STK3: variants seen among roughly 807,000 people sequenced by gnomAD.
The protein encoded by STK3 is serine/threonine kinase 3.
Under a neutral mutation model 58.0 loss-of-function variants are expected in STK3, and 41 were observed. That is an observed-to-expected ratio of 0.71 (90% CI 0.55 to 0.92). The LOEUF (loss-of-function observed/expected upper bound fraction) is 0.92. Ranked by LOEUF, STK3 falls within the 40% of genes least tolerant of loss-of-function variation. STK3 has a pLI of 0.00. For synonymous variants in STK3, 170 were observed against 191.0 expected, an observed-to-expected ratio of 0.89 and a Z score of 0.91; for missense variants, 479 against 602.7, an observed-to-expected ratio of 0.79 and a Z score of 2.15.
intron 1 of STK3, among the ~76,000 whole-genome samples, chr8:98,777,901 T>C (rs965759570): frequency 6.6e-6 from 1 of 152,210 alleles, no homozygotes; most frequent in Non-Finnish European, 1.5e-5. Flanking sequence ...AAGATTTACA[T>C]GTTAGACCTA....
chr8:98,702,433 T>G (rs1245722265), intron 6 of STK3, among the ~76,000 whole-genome samples: 1 of 152,186 alleles, frequency 6.6e-6, no homozygotes, highest in African/African-American at 2.4e-5. Context: ...ACACCCTAAA[T>G]ATATGTCCTA....
At chr8:98,472,708 C>T (rs777376010) in intron 10 of STK3, among the ~76,000 whole-genome samples, 1 of 152,090 alleles carries the variant, frequency 6.6e-6, no homozygotes, top group Non-Finnish European at 1.5e-5. Context: ...CTATCATAGG[C>T]TTTATCATCT....
intron 10 of STK3, among the ~76,000 whole-genome samples, chr8:98,467,548 ATGTGTG>A (rs61136775): frequency 5.9e-4 from 87 of 148,180 alleles, no homozygotes; most frequent in African/African-American, 9.4e-4. Flanking sequence ...TATTTAAAAA[ATGTGTG>A]TGTGTGTGTG....
At chr8:98,413,171 G>A (rs952760273) in intron 3 of STK3, 6 of 291,086 alleles carry the variant, frequency 2.1e-5, no homozygotes, top group Admixed American at 4.7e-5. Context: ...GTGCCACCAC[G>A]CCCGGTTATT....
In STK3 at chr8:98,410,763, C is replaced by A. The variant is rs116686993; in HGVS notation, n.484-9250G>T. On this transcript the variant is annotated intron_variant and non_coding_transcript_variant, in intron 3 of 3. Coordinates refer to the STK3 transcript ENST00000517832. ...AGAAAGTATTCCCTCCACAAACACA[C>A]AGACATTTGCGTGTCTACAAAAACA... Among the ~76,000 whole-genome samples, 622 of 152,316 alleles carry A rather than the reference C, an allele frequency of 4.1e-3. 3 individuals are homozygous for A. Among genetic ancestry groups the A allele is most frequent in the African/African-American group, 0.014 (592 of 41,564 alleles).
intron 6 of STK3, among the ~76,000 whole-genome samples, chr8:98,678,922 T>C (rs2130883832): frequency 6.6e-6 from 1 of 152,362 alleles, no homozygotes; most frequent in Admixed American, 6.5e-5. Flanking sequence ...ATTCCATTTC[T>C]GCCTTCCTGC....
At chr8:98,346,812 C>T in the STK3 span, among the ~76,000 whole-genome samples, 6 of 150,764 alleles carry the variant, frequency 4.0e-5, no homozygotes, top group Non-Finnish European at 7.4e-5. Context: ...TAGGAAGTTT[C>T]AGGCAGAAAA....
At chr8:98,808,365 T>G (rs1834012412) in intron 1 of STK3, among the ~76,000 whole-genome samples, 1 of 152,024 alleles carries the variant, frequency 6.6e-6, no homozygotes, top group Non-Finnish European at 1.5e-5. Context: ...GCAGAAAAAA[T>G]GAAGGGACTA....
chr8:98,580,422 C>G (rs1158737301), intron 7 of STK3, among the ~76,000 whole-genome samples: 1 of 152,052 alleles, frequency 6.6e-6, no homozygotes, highest in Non-Finnish European at 1.5e-5. Flanking sequence ...AGAAGGAAAA[C>G]TATCAGAATA....
At position 98,745,536 on chromosome 8, in the gene STK3, G is replaced by A. The variant is rs191084977; in HGVS notation, c.351+3740C>T. Among the ~76,000 whole-genome samples, 1,345 of 152,048 alleles carry A rather than the reference G, an allele frequency of 8.8e-3. 10 individuals carry two copies. The highest frequency in any genetic ancestry group is 0.03 in the African/African-American group (1,234 of 41,466). On this transcript the variant is annotated intron_variant, in intron 4 of 10. Transcript: ENST00000419617. ...TATGTTAAGGCTAATGAAGACACACGAGCAGTGTATTTTGTCTGAAAACAA... is the reference window on the plus strand; with the variant it reads ...TATGTTAAGGCTAATGAAGACACACAAGCAGTGTATTTTGTCTGAAAACAA...
At chr8:98,432,071 C>T (rs921768514) in intron 3 of STK3, 1 of 167,042 alleles carries the variant, frequency 6.0e-6, no homozygotes, top group African/African-American at 2.4e-5. Flanking sequence ...TAAAGTCTCA[C>T]TAAGGTTTGA....
At chr8:98,812,253 T>C (rs1028940730) in intron 1 of STK3, among the ~76,000 whole-genome samples, 2 of 152,270 alleles carry the variant, frequency 1.3e-5, no homozygotes, top group South Asian at 2.1e-4. Context: ...CGTCTTTTTA[T>C]ACTCTTAGAA....
intron 1 of STK3, among the ~76,000 whole-genome samples, chr8:98,777,286 G>A (rs1316078332): frequency 6.6e-6 from 1 of 152,142 alleles, no homozygotes; most frequent in Non-Finnish European, 1.5e-5. Context: ...CAGCACTTTG[G>A]GAGGCCGAGG....
At chr8:98,941,687 C>A (rs1475410984) in intron 1 of STK3, among the ~76,000 whole-genome samples, 1 of 152,168 alleles carries the variant, frequency 6.6e-6, no homozygotes, top group Non-Finnish European at 1.5e-5. Flanking sequence ...GGGGCCTGCG[C>A]TGCGCGCCCC....
chr8:98,587,890 A>T (rs556137678), intron 7 of STK3, among the ~76,000 whole-genome samples: 2 of 151,806 alleles, frequency 1.3e-5, no homozygotes, highest in Non-Finnish European at 2.9e-5. Context: ...GTTGGTTTAA[A>T]GTCTGTTTTA....
chr8:98,722,652 A>T (rs1448087490), intron 4 of STK3: 2 of 157,844 alleles, frequency 1.3e-5, no homozygotes, highest in Admixed American at 6.5e-5. Context: ...TTCACATATA[A>T]GCACAGCCAA....
intron 4 of STK3, among the ~76,000 whole-genome samples, chr8:98,710,440 C>A (rs1826312855): frequency 6.6e-6 from 1 of 152,200 alleles, no homozygotes; most frequent in Admixed American, 6.5e-5. Flanking sequence ...GTCACTCCCA[C>A]CCTAATACTG....
intron 4 of STK3, among the ~76,000 whole-genome samples, chr8:98,727,168 TA>T (rs1827851854): frequency 6.6e-6 from 1 of 152,198 alleles, no homozygotes; most frequent in African/African-American, 2.4e-5. Flanking sequence ...AGTCAATTAC[TA>T]AATCACATTG....
intron 2 of STK3, among the ~76,000 whole-genome samples, chr8:98,377,494 A>T (rs557166256): frequency 6.6e-6 from 1 of 151,878 alleles, no homozygotes; most frequent in East Asian, 1.9e-4. Context: ...TTATTATTAT[A>T]ATATTAATAG....
Sources: allele counts gnomAD v4.1 joint callset (sites outside exome capture counted in the v4.1 genomes callset), GRCh38; gene constraint gnomAD v4.1.1; transcripts MANE v1.5; gene names NCBI Gene and HGNC (gene_info 2026-07-23, HGNC 2026-07-21).